Variants in CNNM2 observed in about 807,000 individuals in gnomAD.
CNNM2 encodes the protein cyclin and CBS domain divalent metal cation transport mediator 2, also known as metal transporter CNNM2.
In CNNM2, 12 loss-of-function variants were observed where a neutral mutation model predicts 66.9. That is an observed-to-expected ratio of 0.18 (90% CI 0.11 to 0.29). The LOEUF is 0.29. CNNM2 is among the 10% of genes least tolerant of loss of function. CNNM2 has a pLI of 1.00. For synonymous variants in CNNM2, 557 were observed against 501.8 expected (o/e 1.11, Z -1.47); for missense variants, 705 against 1,167.7 (o/e 0.60, Z 5.77).
rs1299586420 is a variant in CNNM2, at chr10:103,083,305, CAATTT to C, written c.*6127_*6131del. 9 of 152,236 alleles carry C rather than the reference CAATTT, an allele frequency of 5.9e-5. No individual in the cohort carries two copies. The highest frequency in any genetic ancestry group is 2.2e-4 in the African/African-American group (9 of 41,544). 9.4% of individuals were successfully genotyped at this position (152,236 alleles called of 1,614,324 possible). ...ACAGTCTCTCCTATTTATTTTGTAC[CAATTT>C]ATTTGTAAATTTTGTGATTGTTTTA... On this transcript the variant is annotated 3_prime_UTR_variant, in exon 8 of 8. Transcript: ENST00000369878.
chr10:103,026,599 T>G (rs1189499834), intron 1 of CNNM2, among the ~76,000 whole-genome samples: 1 of 101,192 alleles, frequency 9.9e-6, no homozygotes, highest in African/African-American at 3.9e-5. Flanking sequence ...AGACCTTGTC[T>G]TCAAAAAAAA....
rs189582508 is a variant in CNNM2, at chr10:103,076,207, G to C, written c.2355G>C (p.Ser785=). 3.7e-5 allele frequency: 59 copies of C among 1,588,462 alleles called. No individual in the cohort carries two copies. The highest frequency in any genetic ancestry group is 1.7e-4 in the Middle Eastern group (1 of 6,060). ...LGSSNNQLNS[S]LLQVYIPDYS... ...GCAGCAATAACCAGCTCAATTCTTC[G>C]CTCCTCCAAGTCTACATCCCCGATT... The change falls in exon 7 of 8, where the codon TCG becomes TCC. Residue 785 remains serine, a synonymous_variant. Transcript: ENST00000369878.
chr10:103,021,342 C>A (rs972538029), intron 1 of CNNM2, among the ~76,000 whole-genome samples: 1 of 152,144 alleles, frequency 6.6e-6, no homozygotes, highest in Non-Finnish European at 1.5e-5. Flanking sequence ...CAGAGAAATG[C>A]GGCGCATTCC....
chr10:102,966,426 T>C (rs2134209880), intron 1 of CNNM2, among the ~76,000 whole-genome samples: 1 of 152,298 alleles, frequency 6.6e-6, no homozygotes, highest in South Asian at 2.1e-4. Context: ...GTCAGGAGTT[T>C]GAGGCCAGCC....
intron 1 of CNNM2, among the ~76,000 whole-genome samples, chr10:103,031,641 C>T (rs1348542446): frequency 6.6e-6 from 1 of 152,140 alleles, no homozygotes; most frequent in Non-Finnish European, 1.5e-5. Flanking sequence ...GGTAGAAAGA[C>T]TTGCATGCAG....
intron 1 of CNNM2, among the ~76,000 whole-genome samples, chr10:102,994,835 G>A (rs533256396): frequency 6.6e-6 from 1 of 152,346 alleles, no homozygotes; most frequent in East Asian, 1.9e-4. Context: ...TAGGTCTTCA[G>A]TTTCTCTTTC....
chr10:102,962,128 G>T (rs917682563), intron 1 of CNNM2, among the ~76,000 whole-genome samples: 1 of 152,072 alleles, frequency 6.6e-6, no homozygotes, highest in Non-Finnish European at 1.5e-5. Context: ...GAGGACACAT[G>T]GACAAAGGGT....
chr10:103,083,649 A>G lies in CNNM2; in HGVS notation c.*6469A>G, dbSNP rs1207221847. 2 of 152,240 alleles carry G rather than the reference A, an allele frequency of 1.3e-5. No homozygotes were observed. The highest frequency in any genetic ancestry group is 2.9e-5 in the Non-Finnish European group (2 of 68,060). The allele number at this position is 152,240 out of a possible 1,614,324, so 9.4% of individuals were successfully genotyped here. ...CTAGGGGGAAGGTGTCCTTCTTTGC[A>G]AGGATTATAATCTGTTCTCCATCAG... On this transcript the variant is annotated 3_prime_UTR_variant, in exon 8 of 8. Transcript: ENST00000369878.
chr10:103,029,526 A>G (rs942606046), intron 1 of CNNM2, among the ~76,000 whole-genome samples: 3 of 151,708 alleles, frequency 2.0e-5, no homozygotes, highest in Non-Finnish European at 4.4e-5. Context: ...AAGGCTTTAG[A>G]TGTGAAAGAG....
intron 1 of CNNM2, among the ~76,000 whole-genome samples, chr10:102,988,171 G>C (rs2063831535): frequency 6.6e-6 from 1 of 151,808 alleles, no homozygotes; most frequent in Non-Finnish European, 1.5e-5. Context: ...GAGTGGTGGT[G>C]GGCGCCTGTA....
At chr10:103,009,508 A>C (rs559858413) in intron 1 of CNNM2, among the ~76,000 whole-genome samples, 1 of 151,992 alleles carries the variant, frequency 6.6e-6, no homozygotes, top group South Asian at 2.1e-4. Flanking sequence ...CCTGGGCAAC[A>C]CCGTGAGACA....
At chr10:103,029,731 C>T (rs946560715) in intron 1 of CNNM2, among the ~76,000 whole-genome samples, 3 of 151,520 alleles carry the variant, frequency 2.0e-5, no homozygotes, top group South Asian at 4.2e-4. Flanking sequence ...CCAGGCATGG[C>T]GGCACGTGCC....
At chr10:102,933,365 A>G (rs1846127276) in intron 1 of CNNM2, among the ~76,000 whole-genome samples, 1 of 152,084 alleles carries the variant, frequency 6.6e-6, no homozygotes, top group African/African-American at 2.4e-5. Context: ...ATTCCTAAGT[A>G]TTTTATTTTT....
At position 102,919,767 on chromosome 10, in the gene CNNM2, G is replaced by A; in HGVS notation, c.1287G>A (p.Lys429=). The stretch of plus-strand genomic sequence containing the variant: ...CCGATCCCTACAACGACCTCGTTAA[G>A]GAGGAGCTGAACATCATCCAAGGGG... ...RVTDPYNDLV[K]EELNIIQGAL... is the part of the protein sequence containing the mutation. Residue 429 remains lysine, a synonymous_variant, in exon 1 of 8, where the codon AAG becomes AAA. Transcript: ENST00000369878. 1 of 1,614,248 alleles carries A rather than the reference G, an allele frequency of 6.2e-7. No individual in the cohort carries two copies. Among genetic ancestry groups the A allele is most frequent in the Non-Finnish European group, 8.5e-7 (1 of 1,180,048 alleles).
chr10:102,978,156 G>A (rs888633210), intron 1 of CNNM2, among the ~76,000 whole-genome samples: 1 of 150,814 alleles, frequency 6.6e-6, no homozygotes, highest in African/African-American at 2.4e-5. Context: ...TGATCCACCC[G>A]CCTCGGCCTC....
chr10:103,012,805 A>G (rs1484744260), intron 1 of CNNM2, among the ~76,000 whole-genome samples: 1 of 152,186 alleles, frequency 6.6e-6, no homozygotes, highest in Admixed American at 6.5e-5. Context: ...AATATGGTTA[A>G]GTACTGAACC....
At position 103,031,838 on chromosome 10, in the gene CNNM2, CG is replaced by C. The variant is rs5787480; in HGVS notation, c.1622-17861del. ...GAACTGTCTGCTTAAGTACAAAATGCGGGGGGGGCGTGAGGGGATTTATCCC... is the reference window on the plus strand; with the variant it reads ...GAACTGTCTGCTTAAGTACAAAATGCGGGGGGGCGTGAGGGGATTTATCCC... On this transcript the variant is annotated intron_variant, in intron 1 of 7. Coordinates refer to ENST00000369878, the MANE Select transcript of CNNM2 (RefSeq NM_017649.5). Among the ~76,000 whole-genome samples the C allele has an allele frequency of 0.71, 101,712 of 142,918 alleles. 34,225 individuals are homozygous for C. The highest frequency in any genetic ancestry group is 0.83 in the East Asian group (4,085 of 4,936). The allele number at this position is 142,918 out of a possible 152,430, so 93.8% of individuals were successfully genotyped here.
intron 1 of CNNM2, among the ~76,000 whole-genome samples, chr10:103,025,420 T>C (rs1288700138): frequency 1.3e-5 from 2 of 152,228 alleles, no homozygotes; most frequent in African/African-American, 4.8e-5. Context: ...TAAGCTTTCT[T>C]CTTTGGGATT....
At chr10:103,038,114 A>G (rs760673790) in intron 1 of CNNM2, among the ~76,000 whole-genome samples, 2 of 152,178 alleles carry the variant, frequency 1.3e-5, no homozygotes, top group Non-Finnish European at 2.9e-5. Context: ...TGCAGGGATT[A>G]CAGGCGTTGA....
Sources: gnomAD v4.1 joint callset for allele counts (sites outside exome capture counted in the v4.1 genomes callset) on GRCh38, gnomAD v4.1.1 for gene constraint, MANE v1.5 for transcripts, NCBI Gene and HGNC (gene_info 2026-07-23, HGNC 2026-07-21) for gene names.